Variants in ARHGAP26 observed in about 807,000 individuals in gnomAD.
ARHGAP26 encodes the protein Rho GTPase activating protein 26, also known as rho GTPase-activating protein 26.
ARHGAP26 carries 38 observed loss-of-function variants against 104.8 expected under a neutral mutation model. That is an observed-to-expected ratio of 0.36 (90% CI 0.28 to 0.48). The LOEUF (loss-of-function observed/expected upper bound fraction) is 0.48, where lower values mean the gene tolerates loss of function less well. ARHGAP26 is among the 20% of genes least tolerant of loss of function. The pLI is 0.99. For synonymous variants in ARHGAP26, 341 were observed against 340.0 expected, an observed-to-expected ratio of 1.00 and a Z score of -0.03; for missense variants, 704 against 947.9, an observed-to-expected ratio of 0.74 and a Z score of 3.38.
chr5:143,001,310 A>G (rs1051520891), intron 11 of ARHGAP26, among the ~76,000 whole-genome samples: 19 of 152,216 alleles, frequency 1.2e-4, no homozygotes, highest in Admixed American at 5.2e-4. Flanking sequence ...AGAATTATGT[A>G]TTTTATTGTA....
At chr5:142,916,653 A>G (rs1303989612) in intron 10 of ARHGAP26, among the ~76,000 whole-genome samples, 4 of 152,182 alleles carry the variant, frequency 2.6e-5, no homozygotes, top group African/African-American at 9.7e-5. Context: ...CTCCTCTACT[A>G]AGGAGCTGAA....
At chr5:143,192,442 C>G (rs951797625) in intron 20 of ARHGAP26, 1 of 152,278 alleles carries the variant, frequency 6.6e-6, no homozygotes, top group South Asian at 2.1e-4. Flanking sequence ...CAGGCCACAT[C>G]CAGCCAGGTG....
In ARHGAP26 at chr5:143,198,589, A is replaced by G. The variant is rs556707048; in HGVS notation, c.1989-8609A>G. On this transcript the variant is annotated intron_variant, in intron 20 of 22. Coordinates refer to ENST00000645722, the MANE Select transcript of ARHGAP26 (RefSeq NM_001135608.3). ...AGCAATTGAACTAGGACTGTTGTCC[A>G]GATGTCTTTGTTTCCAATCTGGAAT... is the stretch of plus-strand genomic sequence containing the variant. 4.6e-5 allele frequency among the ~76,000 whole-genome samples: 7 copies of G among 152,332 alleles called. No individual in the cohort carries two copies. In the South Asian group the frequency reaches 1.4e-3, roughly 32 times the overall value.
At chr5:143,209,388 A>G (rs904999718) in intron 21 of ARHGAP26, among the ~76,000 whole-genome samples, 12 of 152,126 alleles carry the variant, frequency 7.9e-5, no homozygotes, top group African/African-American at 2.9e-4. Context: ...TTCTGTTGCC[A>G]TCTTGTGTGT....
At chr5:142,866,713 T>G (rs1289567812) in intron 1 of ARHGAP26, 1 of 152,204 alleles carries the variant, frequency 6.6e-6, no homozygotes, top group Non-Finnish European at 1.5e-5. Context: ...CCAGAATCAG[T>G]GCTGGTGATG....
intron 12 of ARHGAP26, among the ~76,000 whole-genome samples, chr5:143,023,179 A>C (rs1316506866): frequency 6.6e-6 from 1 of 152,222 alleles, no homozygotes; most frequent in Non-Finnish European, 1.5e-5. Flanking sequence ...ACATCCACTC[A>C]TCCTTCTTTA....
In ARHGAP26 at chr5:142,875,022, A is replaced by G. The variant is rs1755879713; in HGVS notation, c.251-88A>G. 4 of 1,126,970 alleles carry G rather than the reference A, an allele frequency of 3.5e-6. No individual in the cohort carries two copies. In the East Asian group the frequency reaches 7.2e-5, roughly 20 times the overall value. 69.8% of individuals were successfully genotyped at this position (1,126,970 alleles called of 1,614,324 possible). ...AGGCATCTGTATGTGCCAAGGAATT[A>G]AAATCCATAACATAATAGCCAGAGC... is the stretch of plus-strand genomic sequence containing the variant. On this transcript the variant is annotated intron_variant, in intron 2 of 22. Coordinates refer to ENST00000645722, the MANE Select transcript of ARHGAP26 (RefSeq NM_001135608.3).
chr5:143,027,356 T>C (rs1226104249), intron 12 of ARHGAP26, among the ~76,000 whole-genome samples: 3 of 150,912 alleles, frequency 2.0e-5, no homozygotes, highest in Non-Finnish European at 3.0e-5. Context: ...TTCTTTTTTT[T>C]TTTTTTTAGT....
intron 1 of ARHGAP26, among the ~76,000 whole-genome samples, chr5:142,866,553 CA>C: frequency 6.6e-6 from 1 of 152,132 alleles, no homozygotes; most frequent in South Asian, 2.1e-4. Context: ...TTGGGTAGCC[CA>C]AATTATTTTT....
At chr5:142,963,561 T>TA (rs1770771185) in intron 11 of ARHGAP26, among the ~76,000 whole-genome samples, 1 of 152,166 alleles carries the variant, frequency 6.6e-6, no homozygotes, top group Non-Finnish European at 1.5e-5. Context: ...TCTTAATATC[T>TA]AAACACCGTA....
At chr5:142,935,943 G>T (rs1230808153) in intron 11 of ARHGAP26, among the ~76,000 whole-genome samples, 1 of 152,122 alleles carries the variant, frequency 6.6e-6, no homozygotes. Context: ...CTAGGAACAA[G>T]TTGAGGGTGT....
At chr5:143,015,837 A>C (rs1328938252) in intron 12 of ARHGAP26, among the ~76,000 whole-genome samples, 11 of 152,214 alleles carry the variant, frequency 7.2e-5, no homozygotes, top group Non-Finnish European at 5.9e-5. Context: ...ATCCCAATAG[A>C]TTTGAAGGAC....
At chr5:142,983,822 CAT>C (rs1252408464) in intron 11 of ARHGAP26, among the ~76,000 whole-genome samples, 1 of 152,174 alleles carries the variant, frequency 6.6e-6, no homozygotes, top group Non-Finnish European at 1.5e-5. Flanking sequence ...CACATCTATT[CAT>C]ATATAAACAA....
intron 4 of ARHGAP26, among the ~76,000 whole-genome samples, chr5:142,884,276 C>G (rs958068307): frequency 6.6e-6 from 1 of 152,352 alleles, no homozygotes; most frequent in African/African-American, 2.4e-5. Flanking sequence ...AATCCCAGCT[C>G]TGTCACTCTC....
chr5:143,191,451 G>C (rs975390635), intron 20 of ARHGAP26, among the ~76,000 whole-genome samples: 1 of 152,144 alleles, frequency 6.6e-6, no homozygotes, highest in Non-Finnish European at 1.5e-5. Flanking sequence ...ATTAGTGGCC[G>C]AGAACAGAAA....
chr5:142,897,729 CT>C (rs1272171201), intron 6 of ARHGAP26, among the ~76,000 whole-genome samples: 1 of 152,208 alleles, frequency 6.6e-6, no homozygotes, highest in Non-Finnish European at 1.5e-5. Context: ...TCAGTCAAAC[CT>C]TATAACATCT....
chr5:142,854,664 A>G (rs1041646494), intron 1 of ARHGAP26, among the ~76,000 whole-genome samples: 3 of 152,236 alleles, frequency 2.0e-5, no homozygotes, highest in Admixed American at 6.5e-5. Flanking sequence ...GAAAGGGAAG[A>G]AAGGTCTCCT....
intron 11 of ARHGAP26, among the ~76,000 whole-genome samples, chr5:142,954,162 A>G (rs1768836551): frequency 1.3e-5 from 2 of 152,226 alleles, no homozygotes; most frequent in South Asian, 4.1e-4. Flanking sequence ...AAATACCACT[A>G]GGCAATCATC....
At chr5:143,037,056 T>C (rs1251546365) in intron 12 of ARHGAP26, 140 bp from the exon 13 acceptor site, 1 of 442,696 alleles carries the variant, frequency 2.3e-6, no homozygotes, top group African/African-American at 2.0e-5. Context: ...ATTATTATGT[T>C]ATTCCTGTAC....
Sources: allele counts gnomAD v4.1 joint callset (sites outside exome capture counted in the v4.1 genomes callset), GRCh38; gene constraint gnomAD v4.1.1; transcripts MANE v1.5; gene names NCBI Gene and HGNC (gene_info 2026-07-23, HGNC 2026-07-21).